MTA3: variants seen among roughly 807,000 people sequenced by gnomAD.
MTA3 encodes the protein metastasis associated 1 family member 3.
In MTA3, 34 loss-of-function variants were observed where a neutral mutation model predicts 83.5. The observed-to-expected ratio is 0.41, with a 90% CI of 0.31 to 0.54. The LOEUF (loss-of-function observed/expected upper bound fraction) is 0.54. Ranked by LOEUF, MTA3 falls within the 20% of genes least tolerant of loss-of-function variation. MTA3 has a pLI of 0.33. For missense variants in MTA3, 761 were observed against 726.4 expected (o/e 1.05, Z -0.55); for synonymous variants, 303 against 252.7 (o/e 1.20, Z -1.89).
At position 42,640,197 on chromosome 2, in the gene MTA3, G is replaced by C. The variant is rs146219745; in HGVS notation, c.342G>C (p.Leu114=). ...HIRGKCSVAL[L]NETESVLSYL... ...GGGGAAAGTGCAGTGTTGCCCTTCT[G>C]AATGAGACAGAATCAGTATTGTCAT... Residue 114 remains leucine, a synonymous_variant, in exon 5 of 17, where the codon CTG becomes CTC. Coordinates refer to ENST00000405094, the MANE Select transcript of MTA3 (RefSeq NM_001330442.2). The C allele has an allele frequency of 1.2e-4, 188 of 1,607,800 alleles. No homozygotes were observed. Among genetic ancestry groups the C allele is most frequent in the Non-Finnish European group, 1.5e-4 (176 of 1,177,818 alleles).
In MTA3 at chr2:42,590,865, C is replaced by A. The variant is rs144908815; in HGVS notation, c.190+11665C>A. Reference sequence around the variant, plus strand: ...CGAATTCCTGACCTCAAGTGATCTGCCCGCCTGTTTGCTTTTTTTAAAACT... The same window carrying A: ...CGAATTCCTGACCTCAAGTGATCTGACCGCCTGTTTGCTTTTTTTAAAACT... On this transcript the variant is annotated intron_variant, in intron 3 of 16. Transcript: ENST00000405094. 2.6e-5 allele frequency among the ~76,000 whole-genome samples: 4 copies of A among 152,170 alleles called. No individual in the cohort carries two copies. In the East Asian group the frequency reaches 7.7e-4, roughly 29 times the overall value.
intron 4 of MTA3, among the ~76,000 whole-genome samples, chr2:42,620,618 A>G (rs531720090): frequency 6.6e-6 from 1 of 152,192 alleles, no homozygotes; most frequent in South Asian, 2.1e-4. Flanking sequence ...TCAGCCTCCC[A>G]ATTAGCTTGG....
chr2:42,514,780 T>C (rs1208670187), intron 2 of MTA3, among the ~76,000 whole-genome samples: 4 of 142,022 alleles, frequency 2.8e-5, no homozygotes, highest in Non-Finnish European at 6.0e-5. Flanking sequence ...CTCATACTTA[T>C]GGGATCAAAT....
At chr2:42,557,875 G>T (rs1558434610) in intron 2 of MTA3, among the ~76,000 whole-genome samples, 1 of 152,106 alleles carries the variant, frequency 6.6e-6, no homozygotes. Context: ...GGGATGTGGG[G>T]GGTTCATGAG....
chr2:42,556,379 C>A (rs1677393956), intron 2 of MTA3, among the ~76,000 whole-genome samples: 1 of 152,212 alleles, frequency 6.6e-6, no homozygotes, highest in Non-Finnish European at 1.5e-5. Flanking sequence ...GCCTTGAAGT[C>A]ATTTGTGACG....
chr2:42,681,908 AAAAAG>A (rs1473190362), intron 8 of MTA3, among the ~76,000 whole-genome samples: 1 of 151,976 alleles, frequency 6.6e-6, no homozygotes, highest in African/African-American at 2.4e-5. Flanking sequence ...GAAAGAAAAA[AAAAAG>A]GTAAATAAAT....
chr2:42,568,541 G>C (rs1678053144), upstream of MTA3: 1 of 281,936 alleles, frequency 3.5e-6, no homozygotes, highest in Admixed American at 5.4e-5. Context: ...CTAGCCTGGC[G>C]CTGGGGGCGG....
intron 16 of MTA3, among the ~76,000 whole-genome samples, chr2:42,725,871 A>G (rs971569456): frequency 1.3e-5 from 2 of 152,136 alleles, no homozygotes; most frequent in Non-Finnish European, 2.9e-5. Flanking sequence ...CACCCCCAGC[A>G]TCATGGAGCT....
chr2:42,508,406 A>T (rs1385101086), intron 2 of MTA3, among the ~76,000 whole-genome samples: 2 of 152,018 alleles, frequency 1.3e-5, no homozygotes, highest in Admixed American at 6.6e-5. Flanking sequence ...ATCTCCACTC[A>T]TTGCAGCCTC....
chr2:42,547,450 C>G (rs755597746), intron 2 of MTA3, among the ~76,000 whole-genome samples: 5 of 152,238 alleles, frequency 3.3e-5, no homozygotes, highest in Non-Finnish European at 7.3e-5. Flanking sequence ...GCCTCAGCCT[C>G]GTAAGTAGTA....
chr2:42,617,424 A>T (rs773292792), intron 4 of MTA3, among the ~76,000 whole-genome samples: 8 of 152,162 alleles, frequency 5.3e-5, no homozygotes, highest in Admixed American at 1.3e-4. Flanking sequence ...AAATGTTTTG[A>T]TATAAAAAAA....
chr2:42,553,236 T>A (rs1245121579), intron 2 of MTA3, among the ~76,000 whole-genome samples: 1 of 151,274 alleles, frequency 6.6e-6, no homozygotes, highest in Non-Finnish European at 1.5e-5. Context: ...CAATCCTGGC[T>A]AACGCGGTGA....
chr2:42,682,942 C>G (rs567446154), intron 9 of MTA3, among the ~76,000 whole-genome samples: 1 of 152,064 alleles, frequency 6.6e-6, no homozygotes, highest in African/African-American at 2.4e-5. Flanking sequence ...CGTGGTGGCA[C>G]GTGCCTGTAG....
intron 1 of MTA3, among the ~76,000 whole-genome samples, 155 bp from the exon 2 acceptor site, chr2:42,570,282 G>C (rs1678320408): frequency 6.6e-6 from 1 of 152,166 alleles, no homozygotes; most frequent in African/African-American, 2.4e-5. Flanking sequence ...GCACGTGAGA[G>C]GATATATTAA....
chr2:42,647,154 C>CA (rs1558539914), intron 6 of MTA3, among the ~76,000 whole-genome samples: 1 of 84,332 alleles, frequency 1.2e-5, no homozygotes, highest in African/African-American at 4.9e-5. Context: ...GAGACTCTGT[C>CA]TAAAAAAAAA....
chr2:42,748,176 G>A (rs963378445), intron 16 of MTA3, among the ~76,000 whole-genome samples: 1 of 150,666 alleles, frequency 6.6e-6, no homozygotes, highest in African/African-American at 2.4e-5. Flanking sequence ...CTACAGGCAT[G>A]TGCCATCACA....
chr2:42,610,984 T>TTC (rs1271273725), intron 4 of MTA3, among the ~76,000 whole-genome samples: 26 of 144,808 alleles, frequency 1.8e-4, no homozygotes, highest in African/African-American at 6.7e-4. Context: ...TTTCTTTTCT[T>TTC]TTTTTTTTTT....
intron 4 of MTA3, among the ~76,000 whole-genome samples, chr2:42,633,060 C>G (rs1025172070): frequency 6.6e-6 from 1 of 151,388 alleles, no homozygotes; most frequent in African/African-American, 2.4e-5. Flanking sequence ...GTCAAGAGCT[C>G]GAGACCATCC....
rs1665869925 is a variant in MTA3 at position 42,704,258 on chromosome 2, G to A, written c.1090G>A (p.Val364Met). The A allele has an allele frequency of 1.2e-6, 2 of 1,613,998 alleles. No individual in the cohort carries two copies. The highest frequency in any genetic ancestry group is 1.7e-5 in the Admixed American group (1 of 60,032). The change falls in exon 12 of 17, where the codon GTG becomes ATG. Residue 364 changes from valine (V) to methionine (M), a missense_variant. Val to Met is a conservative substitution (Grantham distance 21). Coordinates refer to ENST00000405094, the MANE Select transcript of MTA3 (RefSeq NM_001330442.2). ...GAAGCCTGGTGCTGTGAATGGAGCT[G>A]TGGGGACCACGTTCCAGCCTCAGAA... ...NGKPGAVNGA[V>M]GTTFQPQNPL...
Sources: gnomAD v4.1 joint callset for allele counts (sites outside exome capture counted in the v4.1 genomes callset) on GRCh38, gnomAD v4.1.1 for gene constraint, MANE v1.5 for transcripts, NCBI Gene and HGNC (gene_info 2026-07-23, HGNC 2026-07-21) for gene names.